The following PLEKHG4 variants were observed in gnomAD, a reference collection of about 807,000 sequenced individuals.
The protein encoded by PLEKHG4 is pleckstrin homology and RhoGEF domain containing G4.
A neutral mutation model predicts 136.9 loss-of-function variants in PLEKHG4; 85 were observed. The observed-to-expected ratio is 0.62, with a 90% CI of 0.52 to 0.74. PLEKHG4 has a LOEUF of 0.74. Among genes scored for constraint, PLEKHG4 ranks in the 30% least tolerant of loss-of-function variants. PLEKHG4 has a pLI of 0.00. For synonymous variants in PLEKHG4, 577 were observed against 646.9 expected (o/e 0.89, Z 1.64); for missense variants, 1,317 against 1,527.8 (o/e 0.86, Z 2.30).
At position 67,286,400 on chromosome 16, in the gene PLEKHG4, G is replaced by A. The variant is rs368777975; in HGVS notation, c.2532+37G>A. 5.4e-5 allele frequency: 87 copies of A among 1,606,468 alleles called. No individual in the cohort carries two copies. The African/African-American group carries it at 6.5e-4, about 12-fold the overall frequency. On this transcript the variant is annotated intron_variant, in intron 15 of 21. Coordinates refer to ENST00000379344, the MANE Select transcript of PLEKHG4 (RefSeq NM_001129729.3). Reference sequence around the variant, plus strand: ...TGAGATTAGGAGGAGTAGGGGATGCGGGGAGTGCCCCCAAACCACTCAGTG... The same window carrying A: ...TGAGATTAGGAGGAGTAGGGGATGCAGGGAGTGCCCCCAAACCACTCAGTG...
In PLEKHG4 at chr16:67,285,499, G is replaced by A. The variant is rs1422655929; in HGVS notation, c.2405G>A (p.Arg802Gln). Residue 802 changes from arginine to glutamine, a missense_variant, in exon 14 of 22, where the codon CGG (arginine) becomes CAG (glutamine). By Grantham distance (43) the Arg-to-Gln change is conservative (BLOSUM62 1). Coordinates refer to ENST00000379344, the MANE Select transcript of PLEKHG4 (RefSeq NM_001129729.3). The part of the protein sequence containing the change: ...FFLRELEACT[R>Q]HPPRVAYAFL... The stretch of plus-strand genomic sequence containing the variant: ...CTGCGTGAGCTGGAGGCTTGCACCC[G>A]GCACCCACCACGAGTGGCCTATGCC... 8 of 1,612,322 alleles carry A rather than the reference G, an allele frequency of 5.0e-6. No homozygotes were observed. Among genetic ancestry groups the A allele is most frequent in the South Asian group, 1.1e-5 (1 of 91,092 alleles).
At chr16:67,287,434 C>T (rs987072196) in intron 18 of PLEKHG4, 1 of 569,474 alleles carries the variant, frequency 1.8e-6, no homozygotes, top group Non-Finnish European at 3.2e-6. Flanking sequence ...GGGTCTCGCT[C>T]TGTCGCCCAG....
Position 67,282,730 on chromosome 16 carries a change from G to C in PLEKHG4, c.1393-12G>C, listed in dbSNP as rs1374276987. Reference sequence around the variant, plus strand: ...CAGCTCTCTTCACTTTTCCCTGCTTGTGCTCCTCCAGATTGAAGTGTGGCT... The same window carrying C: ...CAGCTCTCTTCACTTTTCCCTGCTTCTGCTCCTCCAGATTGAAGTGTGGCT... On this transcript the variant is annotated splice_polypyrimidine_tract_variant and intron_variant, in intron 10 of 21. Coordinates refer to ENST00000379344, the MANE Select transcript of PLEKHG4 (RefSeq NM_001129729.3). 1 of 1,613,458 alleles carries C rather than the reference G, an allele frequency of 6.2e-7. No homozygotes were observed. Among genetic ancestry groups the C allele is most frequent in the Admixed American group, 1.7e-5 (1 of 59,970 alleles).
At chr16:67,282,389 C>G (rs762926473) in intron 9 of PLEKHG4, 40 bp downstream of exon 9, 35 of 1,611,642 alleles carry the variant, frequency 2.2e-5, no homozygotes, top group Middle Eastern at 1.6e-4. Flanking sequence ...CCCCAGCCCA[C>G]CATATTCTAT....
chr16:67,286,416 C>G lies in PLEKHG4; in HGVS notation c.2533-29C>G, dbSNP rs776761402. The G allele has an allele frequency of 7.5e-6, 12 of 1,609,088 alleles. No homozygotes were observed. In the African/African-American group the frequency reaches 1.5e-4, roughly 20 times the overall value. On this transcript the variant is annotated intron_variant, in intron 15 of 21. Transcript: ENST00000379344. The stretch of plus-strand genomic sequence containing the variant: ...AGGGGATGCGGGGAGTGCCCCCAAA[C>G]CACTCAGTGGCCTCCCATCCGCCCA...
chr16:67,284,017 C>T lies in PLEKHG4; in HGVS notation c.1510-258C>T, dbSNP rs1040188807. Among the ~76,000 whole-genome samples the T allele has an allele frequency of 2.6e-5, 4 of 151,892 alleles. No homozygotes were observed. Among genetic ancestry groups the T allele is most frequent in the Non-Finnish European group, 4.4e-5 (3 of 67,982 alleles). ...GTTGGAGTCAGTGAGGCCTGAGAAG[C>T]GCTGGGGACGGGGCAGAGTGGAGCT... On this transcript the variant is annotated intron_variant, in intron 11 of 21. Transcript: ENST00000379344. This position sits in a 1 kb window ranked among gnomAD's most constrained non-coding sequence, Gnocchi z 4.4.
At chr16:67,278,215 G>T (rs893915166), upstream of PLEKHG4, 1 of 152,210 alleles carries the variant, frequency 6.6e-6, no homozygotes, top group Non-Finnish European at 1.5e-5. Flanking sequence ...GTTAGGGATG[G>T]AGCAGGACAA....
Position 67,286,886 on chromosome 16 carries a change from G to A in PLEKHG4, c.2892G>A (p.Gly964=). 1 of 1,614,020 alleles carries A rather than the reference G, an allele frequency of 6.2e-7. No individual in the cohort carries two copies. The highest frequency in any genetic ancestry group is 8.5e-7 in the Non-Finnish European group (1 of 1,180,020). The change falls in exon 17 of 22, where the codon GGG becomes GGA. Residue 964 remains glycine (G), a synonymous_variant. Coordinates refer to ENST00000379344, the MANE Select transcript of PLEKHG4 (RefSeq NM_001129729.3). ...LFSKPRHGPT[G]VDTFAYKRSF... ...GCAAGCCTCGCCATGGGCCCACAGGGGTTGACACATTTGCCTACAAGCGCT... is the reference window on the plus strand; with the variant it reads ...GCAAGCCTCGCCATGGGCCCACAGGAGTTGACACATTTGCCTACAAGCGCT...
intron 4 of PLEKHG4, 23 bp from the exon 5 acceptor site, chr16:67,281,068 T>C (rs773378992): frequency 6.2e-7 from 1 of 1,613,874 alleles, no homozygotes; most frequent in East Asian, 2.2e-5. Context: ...AGTCAGGTAC[T>C]GAACTGAAGC....
chr16:67,287,770 G>A, intron 18 of PLEKHG4, 128 bp from the exon 19 acceptor site: 1 of 741,776 alleles, frequency 1.3e-6, no homozygotes. Flanking sequence ...GCACTAGAAA[G>A]GCTCAGCTCA....
intron 14 of PLEKHG4, 105 bp from the exon 15 acceptor site, chr16:67,286,169 G>T (rs1390842553): frequency 2.4e-5 from 19 of 801,886 alleles, no homozygotes; most frequent in Non-Finnish European, 1.3e-5. Context: ...TCCCTAAGAG[G>T]CATCTACTGG....
intron 16 of PLEKHG4, 38 bp downstream of exon 16, chr16:67,286,704 A>G (rs1427135380): frequency 1.9e-6 from 3 of 1,600,206 alleles, no homozygotes; most frequent in Non-Finnish European, 1.7e-6. Flanking sequence ...GGTGTGAAGA[A>G]GAAGGCAGAA....
chr16:67,281,653 C>T lies in PLEKHG4; in HGVS notation c.891+9C>T, dbSNP rs202069942. 6.2e-7 allele frequency: 1 copy of T among 1,613,800 alleles called. No individual in the cohort carries two copies. Among genetic ancestry groups the T allele is most frequent in the East Asian group, 2.2e-5 (1 of 44,892 alleles). On this transcript the variant is annotated intron_variant, in intron 6 of 21. Coordinates refer to ENST00000379344, the MANE Select transcript of PLEKHG4 (RefSeq NM_001129729.3). ...TGCCTTCCGGGCTGCAGGTACTAAG[C>T]CCAGTTGGCTAGGGGTAGAGGTGGG...
At chr16:67,278,161 T>A (rs2036058684), upstream of PLEKHG4, 1 of 152,534 alleles carries the variant, frequency 6.6e-6, no homozygotes, top group South Asian at 2.1e-4. Flanking sequence ...GGTTGGATGA[T>A]GCTTCCTGAA....
Position 67,282,524 on chromosome 16 carries a change from C to T in PLEKHG4, c.1275C>T (p.Asp425=), listed in dbSNP as rs561655067. Residue 425 remains aspartate, a synonymous_variant, in exon 10 of 22, where the codon GAC becomes GAT. Transcript: ENST00000379344. ...PDYRTAMDKA[D]ELYDRVDGLL... ...CCAGGACGGCAATGGACAAGGCTGA[C>T]GAGCTATATGACCGGGTGGATGGAT... is the stretch of plus-strand genomic sequence containing the variant. 98 of 1,614,114 alleles carry T rather than the reference C, an allele frequency of 6.1e-5. No individual in the cohort carries two copies. Among genetic ancestry groups the T allele is most frequent in the Middle Eastern group, 1.6e-4 (1 of 6,062 alleles).
rs750552614 is a variant in PLEKHG4 at position 67,284,444 on chromosome 16, A to C, written c.1679A>C (p.Gln560Pro). The C allele has an allele frequency of 6.2e-7, 1 of 1,613,644 alleles. No homozygotes were observed. The highest frequency in any genetic ancestry group is 1.3e-5 in the African/African-American group (1 of 74,854). The change falls in exon 12 of 22, where the codon CAG (glutamine) becomes CCG (proline). Residue 560 changes from glutamine (Q) to proline (P), a missense_variant. Gln to Pro is a moderately conservative substitution (Grantham distance 76). Transcript: ENST00000379344. The surrounding 1 kb of genome is among the most constrained non-coding windows in gnomAD (Gnocchi z 4.4). The stretch of plus-strand genomic sequence containing the variant: ...CTGGCGGATGCTGAGAGGCTGTTTC[A>C]GCTCTTCAGGGAGGTGGGTGAGAGT... ...QRLADAERLF[Q>P]LFREALTWAE...
intron 18 of PLEKHG4, 134 bp downstream of exon 18, chr16:67,287,311 A>G: frequency 1.1e-6 from 1 of 881,644 alleles, no homozygotes; most frequent in Non-Finnish European, 1.8e-6. Flanking sequence ...TGCAGGAGAA[A>G]GGATTTCAAA....
Position 67,289,191 on chromosome 16 carries a change from C to G in PLEKHG4, c.*383C>G, listed in dbSNP as rs532927642. ...CCTCAGGAAGAACACAGGTGGGCTC[C>G]TAGCAGCTGATCCCCAATGCCTGGC... On this transcript the variant is annotated 3_prime_UTR_variant, in exon 22 of 22. Coordinates refer to ENST00000379344, the MANE Select transcript of PLEKHG4 (RefSeq NM_001129729.3). The G allele has an allele frequency of 1.5e-4, 69 of 452,738 alleles. No individual in the cohort carries two copies. The highest frequency in any genetic ancestry group is 1.6e-5 in the Non-Finnish European group (4 of 247,536). The allele number at this position is 452,738 out of a possible 1,614,324, so 28.0% of individuals were successfully genotyped here.
At position 67,280,992 on chromosome 16, in the gene PLEKHG4, C is replaced by T. The variant is rs561875011; in HGVS notation, c.706C>T (p.Arg236Ter). The T allele has an allele frequency of 1.2e-6, 2 of 1,614,014 alleles. No individual in the cohort carries two copies. Among genetic ancestry groups the T allele is most frequent in the African/African-American group, 1.3e-5 (1 of 75,044 alleles). The change falls in exon 4 of 22, where the codon CGA (arginine) becomes TGA (stop). Residue 236 changes from arginine (R) to a stop codon, truncating the protein, a stop_gained. Coordinates refer to ENST00000379344, the MANE Select transcript of PLEKHG4 (RefSeq NM_001129729.3). LOFTEE classifies it high-confidence loss of function. The surrounding 1 kb of genome is among the most constrained non-coding windows in gnomAD (Gnocchi z 4.4). ...QELIRLLLYL[R>*]SIPRPEVQAL... Reference sequence around the variant, plus strand: ...ACTCATCCGCCTCCTGCTGTACCTGCGAAGCATCCCCAGGTTTGAGGGAGG... The same window carrying T: ...ACTCATCCGCCTCCTGCTGTACCTGTGAAGCATCCCCAGGTTTGAGGGAGG...
Sources: gnomAD v4.1 joint callset for allele counts (sites outside exome capture counted in the v4.1 genomes callset) on GRCh38, gnomAD v4.1.1 for gene constraint, Gnocchi (gnomAD v3.1) non-coding constraint, MANE v1.5 for transcripts, NCBI Gene and HGNC (gene_info 2026-07-23, HGNC 2026-07-21) for gene names.